HSD11B1: variants seen among roughly 807,000 people sequenced by gnomAD.
HSD11B1 encodes the protein 11-beta-hydroxysteroid dehydrogenase 1.
In HSD11B1, 15 loss-of-function variants were observed where a neutral mutation model predicts 22.1. The observed-to-expected ratio is 0.68, with a 90% CI of 0.45 to 1.04. The LOEUF is 1.04. HSD11B1 is among the 50% of genes least tolerant of loss of function. HSD11B1 has a pLI of 0.00. For missense variants in HSD11B1, 281 were observed against 357.6 expected (o/e 0.79, Z 1.73); for synonymous variants, 122 against 125.2 (o/e 0.97, Z 0.17).
intron 4 of HSD11B1, among the ~76,000 whole-genome samples, chr1:209,721,049 T>C (rs1366903054): frequency 6.6e-6 from 1 of 151,956 alleles, no homozygotes; most frequent in Non-Finnish European, 1.5e-5. Flanking sequence ...AAAGTAGAGA[T>C]TGTGATGTAG....
intron 4 of HSD11B1, among the ~76,000 whole-genome samples, chr1:209,726,484 T>C (rs1308522423): frequency 6.6e-6 from 1 of 152,084 alleles, no homozygotes; most frequent in African/African-American, 2.4e-5. Context: ...CATGCATCTG[T>C]AATCCCAGCA....
At chr1:209,691,901 T>C (rs1192898379) in intron 1 of HSD11B1, among the ~76,000 whole-genome samples, 1 of 151,990 alleles carries the variant, frequency 6.6e-6, no homozygotes, top group Non-Finnish European at 1.5e-5. Flanking sequence ...AAATGTGGAG[T>C]TGGTTTTCAG....
chr1:209,695,067 G>T (rs1291639474), intron 1 of HSD11B1, among the ~76,000 whole-genome samples: 1 of 152,216 alleles, frequency 6.6e-6, no homozygotes, highest in East Asian at 1.9e-4. Flanking sequence ...GAGTTCTCAT[G>T]AGATGTGATG....
rs1351451374 is a variant in HSD11B1 at position 209,727,926 on chromosome 1, C to A, written c.518-4510C>A. Reference sequence around the variant, plus strand: ...AAAATCCAACAGCAGCAATCAGAATCTTTTGGTCACTTATTTCAATTTATT... The same window carrying A: ...AAAATCCAACAGCAGCAATCAGAATATTTTGGTCACTTATTTCAATTTATT... On this transcript the variant is annotated intron_variant, in intron 4 of 5. Transcript: ENST00000367027. Among the ~76,000 whole-genome samples, 3 of 152,186 alleles carry A rather than the reference C, an allele frequency of 2.0e-5. No homozygotes were observed. In the East Asian group the frequency reaches 5.8e-4, roughly 29 times the overall value.
At chr1:209,731,963 T>C (rs2077038351) in intron 4 of HSD11B1, among the ~76,000 whole-genome samples, 1 of 152,174 alleles carries the variant, frequency 6.6e-6, no homozygotes. Context: ...CACCTCGGCC[T>C]CCCAAAGTGC....
At chr1:209,691,505 T>C (rs2076759382) in intron 1 of HSD11B1, among the ~76,000 whole-genome samples, 1 of 152,020 alleles carries the variant, frequency 6.6e-6, no homozygotes, top group Non-Finnish European at 1.5e-5. Flanking sequence ...AAGAAAAAAA[T>C]AAAGGAGCTC....
intron 4 of HSD11B1, among the ~76,000 whole-genome samples, chr1:209,714,808 A>T (rs2076920177): frequency 6.6e-6 from 1 of 152,250 alleles, no homozygotes; most frequent in Non-Finnish European, 1.5e-5. Flanking sequence ...CTTGAGCAGG[A>T]TGGGACAGGT....
In HSD11B1 at chr1:209,733,613, G is replaced by A. The variant is rs114540501; in HGVS notation, c.662-691G>A. On this transcript the variant is annotated intron_variant, in intron 5 of 5. Coordinates refer to ENST00000367027, the MANE Select transcript of HSD11B1 (RefSeq NM_005525.4). ...CAGGGGGAGCAGGTGTGGAATATAAGGGGGTACGGCCTACAATTTTTACAA... is the reference window on the plus strand; with the variant it reads ...CAGGGGGAGCAGGTGTGGAATATAAAGGGGTACGGCCTACAATTTTTACAA... Among the ~76,000 whole-genome samples the A allele has an allele frequency of 6.1e-3, 931 of 152,224 alleles. 12 individuals are homozygous for A. The highest frequency in any genetic ancestry group is 0.021 in the African/African-American group (890 of 41,542).
At chr1:209,726,898 C>A (rs1356053285) in intron 4 of HSD11B1, among the ~76,000 whole-genome samples, 2 of 152,182 alleles carry the variant, frequency 1.3e-5, no homozygotes, top group Non-Finnish European at 2.9e-5. Flanking sequence ...TCTGTTGCCA[C>A]CTAGACAAAC....
chr1:209,709,879 T>C (rs1039206795), intron 4 of HSD11B1, among the ~76,000 whole-genome samples: 16 of 151,290 alleles, frequency 1.1e-4, no homozygotes, highest in Non-Finnish European at 2.1e-4. Context: ...ACATCACCCA[T>C]GCTAAAAAAC....
intron 1 of HSD11B1, among the ~76,000 whole-genome samples, chr1:209,690,787 G>A (rs2076755134): frequency 6.6e-6 from 1 of 151,866 alleles, no homozygotes; most frequent in Non-Finnish European, 1.5e-5. Context: ...AATGGAAAGA[G>A]ATTAAAAAAA....
intron 4 of HSD11B1, among the ~76,000 whole-genome samples, chr1:209,721,816 G>A (rs933618052): frequency 3.3e-5 from 5 of 152,170 alleles, no homozygotes; most frequent in Admixed American, 1.3e-4. Flanking sequence ...ATCCCACAAT[G>A]CACTCAGCTT....
intron 4 of HSD11B1, among the ~76,000 whole-genome samples, chr1:209,724,469 T>C (rs916962160): frequency 1.3e-5 from 2 of 152,196 alleles, no homozygotes; most frequent in African/African-American, 4.8e-5. Context: ...AGTGCACAGG[T>C]GGTCTGGAAC....
At chr1:209,728,501 C>T (rs1259498577) in intron 4 of HSD11B1, among the ~76,000 whole-genome samples, 2 of 152,188 alleles carry the variant, frequency 1.3e-5, no homozygotes, top group Admixed American at 1.3e-4. Flanking sequence ...ACACCTGGGT[C>T]ATCTGACTCT....
intron 1 of HSD11B1, among the ~76,000 whole-genome samples, chr1:209,686,886 T>C (rs1421747300): frequency 6.6e-6 from 1 of 152,244 alleles, no homozygotes; most frequent in African/African-American, 2.4e-5. Context: ...TCCATCAAAA[T>C]TCTTCATGTG....
intron 4 of HSD11B1, among the ~76,000 whole-genome samples, chr1:209,713,581 TG>T (rs1359695196): frequency 6.6e-6 from 1 of 152,210 alleles, no homozygotes; most frequent in African/African-American, 2.4e-5. Context: ...ATTTCTTCAA[TG>T]GATTGGTTCC....
At chr1:209,701,538 C>T (rs1337110519), upstream of HSD11B1, among the ~76,000 whole-genome samples, 1 of 152,182 alleles carries the variant, frequency 6.6e-6, no homozygotes, top group East Asian at 1.9e-4. Context: ...AAGATCCTCT[C>T]CTGTTTCAAC....
At chr1:209,718,857 T>TA (rs2076946532) in intron 4 of HSD11B1, among the ~76,000 whole-genome samples, 1 of 151,046 alleles carries the variant, frequency 6.6e-6, no homozygotes. Flanking sequence ...CTGTCTCTAC[T>TA]AAAAATACAA....
At chr1:209,730,829 C>T (rs2077030962) in intron 4 of HSD11B1, among the ~76,000 whole-genome samples, 1 of 152,104 alleles carries the variant, frequency 6.6e-6, no homozygotes, top group South Asian at 2.1e-4. Context: ...GAGTGGCACC[C>T]GAAAGACCAT....
Sources: gnomAD v4.1 joint callset for allele counts (sites outside exome capture counted in the v4.1 genomes callset) on GRCh38, gnomAD v4.1.1 for gene constraint, MANE v1.5 for transcripts, NCBI Gene and HGNC (gene_info 2026-07-23, HGNC 2026-07-21) for gene names.